PRKAG1: variants seen among roughly 807,000 people sequenced by gnomAD.
PRKAG1 encodes 5'-AMP-activated protein kinase subunit gamma-1.
Under a neutral mutation model 48.2 loss-of-function variants are expected in PRKAG1, and 27 were observed. That is an observed-to-expected ratio of 0.56 (90% confidence interval 0.41 to 0.77). The LOEUF is 0.77. Among genes scored for constraint, PRKAG1 ranks in the 30% least tolerant of loss-of-function variants. The pLI, the probability that PRKAG1 is intolerant of heterozygous loss-of-function variation, is 0.00. For missense variants in PRKAG1, 287 were observed against 398.3 expected (o/e 0.72, Z 2.38); for synonymous variants, 130 against 147.7 (o/e 0.88, Z 0.87).
In PRKAG1 at chr12:49,002,953, T is replaced by C; in HGVS notation, c.942A>G (p.Ser314=). The C allele has an allele frequency of 1.2e-6, 2 of 1,614,170 alleles. No homozygotes were observed. Among genetic ancestry groups the C allele is most frequent in the African/African-American group, 1.3e-5 (1 of 75,036 alleles). The part of the protein sequence containing the change: ...DENDVVKGIV[S]LSDILQALVL... The stretch of plus-strand genomic sequence containing the variant: ...CCAGGGCCTGCAGGATGTCAGACAG[T>C]GATACAATTCCCTTGACCACATCAT... The change falls in exon 12 of 12, where the codon TCA becomes TCG. Residue 314 remains serine (S), a synonymous_variant. Transcript: ENST00000548065.
At position 49,004,535 on chromosome 12, in the gene PRKAG1, TTG is replaced by T; in HGVS notation, c.507_508del (p.His169GlnfsTer13). 6.2e-7 allele frequency: 1 copy of T among 1,614,124 alleles called. No homozygotes were observed. Among genetic ancestry groups the T allele is most frequent in the Non-Finnish European group, 8.5e-7 (1 of 1,180,016 alleles). On this transcript the variant is annotated frameshift_variant, in exon 8 of 12. Coordinates refer to ENST00000548065, the MANE Select transcript of PRKAG1 (RefSeq NM_002733.5). LOFTEE classifies it high-confidence loss of function. ...CAATTTGAGGAACTTCAGAATGCGCTTGTGGGTGAGGATGTACAAAGTATTGC... is the reference window on the plus strand; with the variant it reads ...CAATTTGAGGAACTTCAGAATGCGCTTGGGTGAGGATGTACAAAGTATTGC...
At chr12:49,006,987 A>C (rs1006792854) in intron 2 of PRKAG1, among the ~76,000 whole-genome samples, 4 of 146,230 alleles carry the variant, frequency 2.7e-5, no homozygotes, top group Non-Finnish European at 6.0e-5. Context: ...TAAATAAATA[A>C]ATAAATAAAT....
intron 1 of PRKAG1, among the ~76,000 whole-genome samples, chr12:49,016,418 T>C (rs1306285919): frequency 6.6e-6 from 1 of 152,242 alleles, no homozygotes; most frequent in Non-Finnish European, 1.5e-5. Context: ...ACTCCTCAAA[T>C]GCTTGAATAC....
Position 49,003,585 on chromosome 12 carries a change from C to T in PRKAG1, c.714G>A (p.Val238=). The part of the protein sequence containing the change: ...LPVVDEKGRV[V]DIYSKFDVIN... ...TAACATCAAACTTGGAGTAGATGTC[C>T]ACCACACGCCCTAGGGGGACAGAGG... The change falls in exon 10 of 12, where the codon GTG becomes GTA. Residue 238 remains valine (V), a synonymous_variant. Transcript: ENST00000548065. 5.6e-6 allele frequency: 9 copies of T among 1,612,314 alleles called. No homozygotes were observed. Among genetic ancestry groups the T allele is most frequent in the Non-Finnish European group, 7.6e-6 (9 of 1,179,148 alleles).
chr12:49,004,193 G>C (rs1197192312), intron 8 of PRKAG1: 1 of 517,072 alleles, frequency 1.9e-6, no homozygotes, highest in East Asian at 3.4e-5. Context: ...TCTGGGGGTT[G>C]AGGTCGGGGG....
At chr12:49,007,501 T>C (rs888524340) in intron 2 of PRKAG1, among the ~76,000 whole-genome samples, 1 of 152,190 alleles carries the variant, frequency 6.6e-6, no homozygotes, top group Non-Finnish European at 1.5e-5. Context: ...TTTATTTTTT[T>C]AACCAAAGTT....
chr12:49,004,366 G>A, intron 8 of PRKAG1, 141 bp downstream of exon 8: 1 of 1,079,680 alleles, frequency 9.3e-7, no homozygotes, highest in Non-Finnish European at 1.3e-6. Context: ...CACTTTGGGA[G>A]GCTGAGGCGG....
Position 49,005,910 on chromosome 12 carries a change from A to G in PRKAG1, c.59-58T>C. On this transcript the variant is annotated intron_variant, in intron 2 of 11. Coordinates refer to ENST00000548065, the MANE Select transcript of PRKAG1 (RefSeq NM_002733.5). This position sits in a 1 kb window ranked among gnomAD's most constrained non-coding sequence, Gnocchi z 4.1. ...CCACATAAAAACTCCCAATCAAAAG[A>G]GACAGAAAACAAAATAGTGTTCTAG... 7.7e-7 allele frequency: 1 copy of G among 1,303,280 alleles called. No individual in the cohort carries two copies. Among genetic ancestry groups the G allele is most frequent in the Non-Finnish European group, 1.1e-6 (1 of 939,206 alleles). The allele number at this position is 1,303,280 out of a possible 1,614,324, so 80.7% of individuals were successfully genotyped here. A position where few individuals can be genotyped will look rare whatever the true frequency, so the allele number is the denominator to read the frequency against.
At chr12:49,015,283 T>A (rs1941920246) in intron 1 of PRKAG1, among the ~76,000 whole-genome samples, 1 of 152,214 alleles carries the variant, frequency 6.6e-6, no homozygotes. Context: ...AATTTACCCA[T>A]CATATGATAT....
rs1330480799 is a variant in PRKAG1, at chr12:49,005,016, C to G, written c.358G>C (p.Val120Leu). 6.2e-7 allele frequency: 1 copy of G among 1,613,880 alleles called. No individual in the cohort carries two copies. Among genetic ancestry groups the G allele is most frequent in the Non-Finnish European group, 8.5e-7 (1 of 1,179,956 alleles). Residue 120 changes from valine to leucine, a missense_variant and splice_region_variant, in exon 7 of 12, where the codon GTG becomes CTG. Transcript: ENST00000548065. This position sits in a 1 kb window ranked among gnomAD's most constrained non-coding sequence, Gnocchi z 4.1. ...GGTTTAAAGGAGTCCTGGAGATACA[C>G]CTCTGAAGGGAAAAGGGATGGGTCA... ...EEHKIETWREVYLQDSFKPLV... is the reference protein window; with the variant it reads ...EEHKIETWRELYLQDSFKPLV...
intron 1 of PRKAG1, among the ~76,000 whole-genome samples, chr12:49,015,547 G>C (rs1429908832): frequency 1.3e-5 from 2 of 152,204 alleles, no homozygotes; most frequent in African/African-American, 2.4e-5. Context: ...ACCAACATAA[G>C]AGAGTCAAAC....
chr12:49,005,198 A>G lies in PRKAG1; in HGVS notation c.310-33T>C. The G allele has an allele frequency of 6.2e-7, 1 of 1,613,790 alleles. No homozygotes were observed. The highest frequency in any genetic ancestry group is 2.2e-5 in the East Asian group (1 of 44,872). On this transcript the variant is annotated intron_variant, in intron 5 of 11. Coordinates refer to ENST00000548065, the MANE Select transcript of PRKAG1 (RefSeq NM_002733.5). The surrounding 1 kb of genome is among the most constrained non-coding windows in gnomAD (Gnocchi z 4.1). ...CAGAAGCAACAGAATTTGAGACCTG[A>G]TCTCTCTGCTTCCTTAAGCCCTCGT...
At chr12:49,017,403 G>C in intron 1 of PRKAG1, 1 of 348,380 alleles carries the variant, frequency 2.9e-6, no homozygotes, top group African/African-American at 2.2e-5. Flanking sequence ...GTCGAGACAG[G>C]CTTTCATCAT....
chr12:49,004,857 GTGTGTCT>G, intron 7 of PRKAG1, 100 bp downstream of exon 7: 2 of 1,074,868 alleles, frequency 1.9e-6, no homozygotes, highest in East Asian at 4.7e-5. Context: ...GTGTGTGTGT[GTGTGTCT>G]TTTCTCTCTT....
intron 2 of PRKAG1, among the ~76,000 whole-genome samples, chr12:49,009,108 A>C (rs557506178): frequency 6.9e-6 from 1 of 145,350 alleles, no homozygotes; most frequent in Admixed American, 6.8e-5. Flanking sequence ...GGTTGTTGGA[A>C]TCTTTCCTCT....
rs1424173228 is a variant in PRKAG1 at position 49,002,687 on chromosome 12, G to GT, written c.*211dup. The stretch of plus-strand genomic sequence containing the variant: ...GGGGCTAGAACTGGCTAGGCTGAAA[G>GT]TTTTTTCAAGTGTATGTGTGAGGGT... On this transcript the variant is annotated 3_prime_UTR_variant, in exon 12 of 12. Transcript: ENST00000548065. 1 of 658,666 alleles carries GT rather than the reference G, an allele frequency of 1.5e-6. No homozygotes were observed. Among genetic ancestry groups the GT allele is most frequent in the East Asian group, 2.8e-5 (1 of 35,456 alleles). The allele number at this position is 658,666 out of a possible 1,614,324, so 40.8% of individuals were successfully genotyped here. A position where few individuals can be genotyped will look rare whatever the true frequency, so the allele number is the denominator to read the frequency against.
Position 49,005,055 on chromosome 12 carries a change from T to C in PRKAG1, c.356-37A>G, listed in dbSNP as rs878943397. 1.1e-5 allele frequency: 17 copies of C among 1,613,280 alleles called. No homozygotes were observed. The South Asian group carries it at 1.6e-4, about 16-fold the overall frequency. ...AGGGATGGGTCACAAAATACCACCA[T>C]GGAAAAGTGTTTCCCAGAAACCCGC... On this transcript the variant is annotated intron_variant, in intron 6 of 11. Coordinates refer to ENST00000548065, the MANE Select transcript of PRKAG1 (RefSeq NM_002733.5). This position sits in a 1 kb window ranked among gnomAD's most constrained non-coding sequence, Gnocchi z 4.1.
intron 1 of PRKAG1, 86 bp from the exon 2 acceptor site, chr12:49,013,196 TA>T (rs1941828890): frequency 3.2e-6 from 4 of 1,247,642 alleles, no homozygotes; most frequent in African/African-American, 1.5e-5. Flanking sequence ...GGTGAACAAA[TA>T]ATGACTTTCT....
chr12:49,015,308 T>C lies in PRKAG1; in HGVS notation c.10-2198A>G, dbSNP rs192214108. Among the ~76,000 whole-genome samples, 4 of 152,378 alleles carry C rather than the reference T, an allele frequency of 2.6e-5. No individual in the cohort carries two copies. The East Asian group carries it at 7.7e-4, about 29-fold the overall frequency. ...TCATATGATATATACTGTACTGTGC[T>C]ACAGTTATTTTGTTCATTATCTATC... On this transcript the variant is annotated intron_variant, in intron 1 of 11. Transcript: ENST00000548065.
Sources: allele counts gnomAD v4.1 joint callset (sites outside exome capture counted in the v4.1 genomes callset), GRCh38; gene constraint gnomAD v4.1.1; non-coding constraint Gnocchi (gnomAD v3.1); transcripts MANE v1.5; gene names NCBI Gene and HGNC (gene_info 2026-07-23, HGNC 2026-07-21).